Variants in NSRP1 observed in about 807,000 individuals in gnomAD.
NSRP1 encodes nuclear speckle splicing regulatory protein 1.
Under a neutral mutation model 54.7 loss-of-function variants are expected in NSRP1, and 24 were observed. The ratio of observed to expected loss-of-function variants is 0.44; its 90% CI spans 0.32 to 0.62. The LOEUF (loss-of-function observed/expected upper bound fraction) is 0.62, where lower values mean the gene tolerates loss of function less well. Among genes scored for constraint, NSRP1 ranks in the 20% least tolerant of loss-of-function variants. The pLI, the probability that NSRP1 is intolerant of heterozygous loss-of-function variation, is 0.06. For synonymous variants in NSRP1, 210 were observed against 213.8 expected, an observed-to-expected ratio of 0.98 and a Z score of 0.15; for missense variants, 596 against 651.2, an observed-to-expected ratio of 0.92 and a Z score of 0.92.
In NSRP1 at chr17:30,186,455, A is replaced by G. The variant is rs1905546668; in HGVS notation, c.*781A>G. ...CATAGTTGGCTTAAATGAAAATAAA[A>G]TGATATGCTTATACATTTTATTTAT... On this transcript the variant is annotated 3_prime_UTR_variant, in exon 7 of 7. Coordinates refer to ENST00000247026, the MANE Select transcript of NSRP1 (RefSeq NM_032141.4). 6.6e-6 allele frequency: 1 copy of G among 152,236 alleles called. No individual in the cohort carries two copies. The highest frequency in any genetic ancestry group is 6.5e-5 in the Admixed American group (1 of 15,282). 9.4% of individuals were successfully genotyped at this position (152,236 alleles called of 1,614,324 possible).
At chr17:30,141,932 A>T (rs1214081322) in intron 2 of NSRP1, among the ~76,000 whole-genome samples, 3 of 152,200 alleles carry the variant, frequency 2.0e-5, no homozygotes, top group African/African-American at 7.2e-5. Context: ...TGAGCCCAGG[A>T]GGTGGAGGTT....
Position 30,139,955 on chromosome 17 carries a change from C to T in NSRP1, c.114+21782C>T, listed in dbSNP as rs192906092. 2.0e-3 allele frequency among the ~76,000 whole-genome samples: 300 copies of T among 152,120 alleles called. 2 individuals carry two copies. Among genetic ancestry groups the T allele is most frequent in the Middle Eastern group, 0.01 (3 of 294 alleles). ...AGGAGAATGGGGTGAACCCGGGAGG[C>T]GGAGCTTGCAGTGAACCGAGATCGC... On this transcript the variant is annotated intron_variant, in intron 2 of 6. Coordinates refer to ENST00000247026, the MANE Select transcript of NSRP1 (RefSeq NM_032141.4).
Position 30,185,488 on chromosome 17 carries a change from A to G in NSRP1, c.1491A>G (p.Gly497=), listed in dbSNP as rs774339573. The G allele has an allele frequency of 2.5e-6, 4 of 1,613,386 alleles. No individual in the cohort carries two copies. The African/African-American group carries it at 5.3e-5, about 22-fold the overall frequency. Residue 497 remains glycine (G), a synonymous_variant, in exon 7 of 7, where the codon GGA becomes GGG. Transcript: ENST00000247026. ...CCTCTAATTCTGAATCATCACTGGG[A>G]GCAAAACACAGACTCACAGAGGAAG... ...EKPSNSESSL[G]AKHRLTEEGQ... is the part of the protein sequence containing the mutation.
At chr17:30,178,943 A>G in intron 4 of NSRP1, 147 bp from the exon 5 acceptor site, 1 of 426,732 alleles carries the variant, frequency 2.3e-6, no homozygotes. Flanking sequence ...TTTCAATATT[A>G]ATCTTGCTAG....
At position 30,185,228 on chromosome 17, in the gene NSRP1, G is replaced by A; in HGVS notation, c.1231G>A (p.Glu411Lys). 1.9e-6 allele frequency: 3 copies of A among 1,578,924 alleles called. No homozygotes were observed. The highest frequency in any genetic ancestry group is 2.6e-6 in the Non-Finnish European group (3 of 1,162,514). Reference protein sequence around the residue: ...QNRPSEKGEKEEKSKAKEEHM... With the variant: ...QNRPSEKGEKKEKSKAKEEHM... ...CCGACCCAGTGAGAAAGGAGAGAAG[G>A]AAGAGAAAAGCAAAGCAAAGGAAGA... Residue 411 changes from glutamate (E) to lysine (K), a missense_variant, in exon 7 of 7, where the codon GAA becomes AAA. Physicochemically the swap from Glu to Lys is moderately conservative, Grantham distance 56. Transcript: ENST00000247026.
Position 30,134,467 on chromosome 17 carries a change from G to A in NSRP1, c.114+16294G>A, listed in dbSNP as rs573580815. On this transcript the variant is annotated intron_variant, in intron 2 of 6. Coordinates refer to ENST00000247026, the MANE Select transcript of NSRP1 (RefSeq NM_032141.4). ...ACATCCGTGAAGCACAATAAAACAA[G>A]GAATACCTATAATGGTACGGTCATT... Among the ~76,000 whole-genome samples the A allele has an allele frequency of 9.9e-5, 15 of 152,284 alleles. 1 individual carries two copies. Among genetic ancestry groups the A allele is most frequent in the Admixed American group, 5.2e-4 (8 of 15,294 alleles).
chr17:30,136,301 A>C (rs2071750810), intron 2 of NSRP1, among the ~76,000 whole-genome samples: 1 of 152,048 alleles, frequency 6.6e-6, no homozygotes, highest in African/African-American at 2.4e-5. Flanking sequence ...GTTTTTTTGG[A>C]CTATTCTGTT....
chr17:30,162,098 T>A (rs1420713941), intron 2 of NSRP1, among the ~76,000 whole-genome samples: 2 of 150,898 alleles, frequency 1.3e-5, no homozygotes, highest in Non-Finnish European at 2.9e-5. Flanking sequence ...CTCAGCTCAC[T>A]ACAACCTCCT....
chr17:30,178,000 C>A, intron 3 of NSRP1, 71 bp from the exon 4 acceptor site: 1 of 1,493,536 alleles, frequency 6.7e-7, no homozygotes, highest in South Asian at 1.2e-5. Context: ...GAACCATTCT[C>A]AAAAAGCATA....
In NSRP1 at chr17:30,186,397, A is replaced by C. The variant is rs1257610887; in HGVS notation, c.*723A>C. The C allele has an allele frequency of 6.6e-6, 1 of 152,228 alleles. No homozygotes were observed. The highest frequency in any genetic ancestry group is 1.5e-5 in the Non-Finnish European group (1 of 68,044). The allele number at this position is 152,228 out of a possible 1,614,324, so 9.4% of individuals were successfully genotyped here. ...GTTCTGAAATTTGTATTTAAGTATA[A>C]AATGTGAATCATCTTGTCTAAATAG... On this transcript the variant is annotated 3_prime_UTR_variant, in exon 7 of 7. Transcript: ENST00000247026.
intron 2 of NSRP1, among the ~76,000 whole-genome samples, chr17:30,130,510 A>G (rs1198316996): frequency 6.6e-6 from 1 of 152,206 alleles, no homozygotes; most frequent in Non-Finnish European, 1.5e-5. Flanking sequence ...TGATTGTTAA[A>G]TAATGCTTGC....
At chr17:30,158,470 AGTCCCATTTATCTAT>A (rs1293037552) in intron 2 of NSRP1, among the ~76,000 whole-genome samples, 1 of 152,062 alleles carries the variant, frequency 6.6e-6, no homozygotes, top group Non-Finnish European at 1.5e-5. Flanking sequence ...AGTTTAATAC[AGTCCCATTTATCTAT>A]CTTTGTTTTT....
At chr17:30,176,578 C>G (rs1048103487) in intron 3 of NSRP1, among the ~76,000 whole-genome samples, 10 of 150,886 alleles carry the variant, frequency 6.6e-5, no homozygotes, top group Non-Finnish European at 1.5e-4. Context: ...CCACTGCACA[C>G]CAGCCAGGAC....
intron 2 of NSRP1, among the ~76,000 whole-genome samples, chr17:30,143,195 G>T (rs2071822037): frequency 6.6e-6 from 1 of 152,076 alleles, no homozygotes; most frequent in African/African-American, 2.4e-5. Flanking sequence ...TATGTTGTCA[G>T]ACAGAAAGCA....
intron 2 of NSRP1, among the ~76,000 whole-genome samples, chr17:30,126,364 A>G (rs1451459829): frequency 6.6e-6 from 1 of 152,086 alleles, no homozygotes; most frequent in Non-Finnish European, 1.5e-5. Context: ...TTTAATGTCC[A>G]AATTATAGCC....
intron 2 of NSRP1, among the ~76,000 whole-genome samples, chr17:30,152,952 A>G (rs1597608901): frequency 8.7e-6 from 1 of 115,376 alleles, no homozygotes; most frequent in Non-Finnish European, 1.6e-5. Flanking sequence ...TCTGTTGCCC[A>G]GGCTGGAGTA....
At chr17:30,139,125 G>A (rs900168827) in intron 2 of NSRP1, among the ~76,000 whole-genome samples, 7 of 149,714 alleles carry the variant, frequency 4.7e-5, no homozygotes, top group African/African-American at 7.6e-5. Context: ...CACTGTGTTA[G>A]CCAGGATGGT....
At chr17:30,121,182 A>G (rs1245820806) in intron 2 of NSRP1, among the ~76,000 whole-genome samples, 1 of 152,238 alleles carries the variant, frequency 6.6e-6, no homozygotes, top group Non-Finnish European at 1.5e-5. Context: ...TTTCAACTTT[A>G]TATTTTCAAG....
intron 2 of NSRP1, among the ~76,000 whole-genome samples, chr17:30,158,137 T>C (rs1904376930): frequency 6.6e-6 from 1 of 152,152 alleles, no homozygotes; most frequent in Non-Finnish European, 1.5e-5. Context: ...GCATCTGTTA[T>C]TTCCTGTCTT....
Sources: allele counts gnomAD v4.1 joint callset (sites outside exome capture counted in the v4.1 genomes callset), GRCh38; gene constraint gnomAD v4.1.1; transcripts MANE v1.5; gene names NCBI Gene and HGNC (gene_info 2026-07-23, HGNC 2026-07-21).